The following ANK2 variants were observed in gnomAD, a reference collection of about 807,000 sequenced individuals.
The protein encoded by ANK2 is ankyrin 2, also known as ankyrin-2.
Under a neutral mutation model 360.5 loss-of-function variants are expected in ANK2, and 83 were observed. That is an observed-to-expected ratio of 0.23 (90% CI 0.19 to 0.28). ANK2 has a LOEUF of 0.28. ANK2 is among the 10% of genes least tolerant of loss of function. The pLI is 1.00. For synonymous variants in ANK2, 1,740 were observed against 1,759.5 expected (o/e 0.99, Z 0.28); for missense variants, 4,201 against 4,795.7 (o/e 0.88, Z 3.66).
At chr4:112,743,464 G>A in the ANK2 span, among the ~76,000 whole-genome samples, 1 of 150,836 alleles carries the variant, frequency 6.6e-6, no homozygotes, top group African/African-American at 2.4e-5. Flanking sequence ...TGGTGCAAAA[G>A]TAATCTCGGT....
the ANK2 span, among the ~76,000 whole-genome samples, chr4:112,772,691 T>A: frequency 1.3e-5 from 2 of 152,176 alleles, no homozygotes; most frequent in Non-Finnish European, 2.9e-5. Context: ...AAGTGTGTGT[T>A]CAAGAGGGGA....
At chr4:113,206,507 C>G (rs961942573) in intron 4 of ANK2, among the ~76,000 whole-genome samples, 2 of 151,828 alleles carry the variant, frequency 1.3e-5, no homozygotes, top group African/African-American at 4.8e-5. Flanking sequence ...GTATTACTAT[C>G]TGTAATACAA....
chr4:113,233,706 C>G (rs1391587422), intron 5 of ANK2, among the ~76,000 whole-genome samples: 4 of 152,000 alleles, frequency 2.6e-5, no homozygotes, highest in African/African-American at 9.7e-5. Flanking sequence ...AAGTTTCTGA[C>G]AGCTTATTCT....
intron 36 of ANK2, among the ~76,000 whole-genome samples, chr4:113,349,136 G>A (rs2095214672): frequency 6.6e-6 from 1 of 152,094 alleles, no homozygotes; most frequent in African/African-American, 2.4e-5. Flanking sequence ...TATTGATGAA[G>A]AAAGCAAGTC....
intron 1 of ANK2, chr4:112,826,248 T>A (rs889758238): frequency 2.5e-5 from 11 of 431,442 alleles, no homozygotes; most frequent in Non-Finnish European, 4.6e-5. Context: ...CTAAGGCCTA[T>A]CTCATAACCT....
At chr4:112,837,705 T>C (rs1045897604) in intron 1 of ANK2, among the ~76,000 whole-genome samples, 5 of 152,218 alleles carry the variant, frequency 3.3e-5, no homozygotes, top group Admixed American at 3.3e-4. Flanking sequence ...GGAGGTTATT[T>C]TGGAGCTTTA....
At chr4:113,196,260 G>T in intron 2 of ANK2, 108 bp from the exon 3 acceptor site, 2 of 798,986 alleles carry the variant, frequency 2.5e-6, no homozygotes, top group Non-Finnish European at 4.1e-6. Flanking sequence ...GGAAAAAAAA[G>T]AAGAGATCAG....
chr4:113,171,787 C>T lies in ANK2; in HGVS notation c.85-2629C>T, dbSNP rs188030076. 1.1e-4 allele frequency among the ~76,000 whole-genome samples: 16 copies of T among 152,222 alleles called. No homozygotes were observed. In the South Asian group the frequency reaches 2.1e-3, roughly 20 times the overall value. ...ATGAAAACTTTTTGTTACTCTATAA[C>T]GGCAAAAGCAATCCTCAATGTCATG... On this transcript the variant is annotated intron_variant, in intron 1 of 45. Coordinates refer to ENST00000357077, the MANE Select transcript of ANK2 (RefSeq NM_001148.6).
the ANK2 span, among the ~76,000 whole-genome samples, chr4:112,786,084 C>T: frequency 3.3e-5 from 5 of 152,090 alleles, no homozygotes; most frequent in African/African-American, 9.6e-5. Context: ...TCAAGTGATC[C>T]GGCCACCTCA....
At position 113,339,213 on chromosome 4, in the gene ANK2, C is replaced by T. The variant is rs2093964488; in HGVS notation, c.3797-13C>T. The T allele has an allele frequency of 2.5e-6, 4 of 1,602,070 alleles. No homozygotes were observed. In the African/African-American group the frequency reaches 5.4e-5, roughly 21 times the overall value. ...GTTTTGCCTGATTTTTTTCAACAAT[C>T]ATATTATTTCAGGTGGAACCACCCC... is the stretch of plus-strand genomic sequence containing the variant. On this transcript the variant is annotated splice_polypyrimidine_tract_variant and intron_variant, in intron 31 of 45. Coordinates refer to ENST00000357077, the MANE Select transcript of ANK2 (RefSeq NM_001148.6).
At chr4:112,853,101 G>T (rs1030469020) in intron 1 of ANK2, among the ~76,000 whole-genome samples, 1 of 151,572 alleles carries the variant, frequency 6.6e-6, no homozygotes, top group Non-Finnish European at 1.5e-5. Context: ...ACGAAGTCTC[G>T]CTCTCTCGCC....
chr4:112,971,769 C>G (rs1472024634), intron 2 of ANK2, among the ~76,000 whole-genome samples: 1 of 152,122 alleles, frequency 6.6e-6, no homozygotes, highest in East Asian at 1.9e-4. Flanking sequence ...ACGCCATGGT[C>G]CTCAAAAACA....
intron 2 of ANK2, among the ~76,000 whole-genome samples, chr4:112,963,359 C>A (rs573981540): frequency 6.6e-6 from 1 of 152,264 alleles, no homozygotes; most frequent in South Asian, 2.1e-4. Context: ...CTGTTTCATG[C>A]ATCTATTATT....
In ANK2 at chr4:113,367,866, A is replaced by C. The variant is rs773244128; in HGVS notation, c.11318+15A>C. On this transcript the variant is annotated intron_variant, in intron 42 of 45. Transcript: ENST00000357077. ...CAGGAATATTTGTGAGTTTCCAAAG[A>C]AAGCCTGTCAAATGTAATACCAAAG... 6.2e-7 allele frequency: 1 copy of C among 1,614,064 alleles called. No individual in the cohort carries two copies. The highest frequency in any genetic ancestry group is 1.3e-5 in the African/African-American group (1 of 75,060).
At chr4:113,056,693 G>T (rs2070092032) in intron 1 of ANK2, among the ~76,000 whole-genome samples, 1 of 152,098 alleles carries the variant, frequency 6.6e-6, no homozygotes, top group Non-Finnish European at 1.5e-5. Context: ...AAATAAATAT[G>T]ATAGAGTATT....
chr4:112,775,545 A>ACACACACACACACAC, the ANK2 span, among the ~76,000 whole-genome samples: 15 of 151,028 alleles, frequency 9.9e-5, no homozygotes, highest in Admixed American at 2.0e-4. Flanking sequence ...ACACACACAC[A>ACACACACACACACAC]AGAAAAAAAA....
At chr4:113,165,440 G>A (rs1379663985) in intron 1 of ANK2, among the ~76,000 whole-genome samples, 1 of 152,026 alleles carries the variant, frequency 6.6e-6, no homozygotes, top group Non-Finnish European at 1.5e-5. Flanking sequence ...CAAATTATCT[G>A]GAAACCATAA....
At chr4:113,336,423 A>G in intron 30 of ANK2, 154 bp from the exon 31 acceptor site, 1 of 763,460 alleles carries the variant, frequency 1.3e-6, no homozygotes. Flanking sequence ...TAGTAATAAT[A>G]CTGAACTTAT....
intron 1 of ANK2, among the ~76,000 whole-genome samples, chr4:113,093,813 C>A (rs2089746783): frequency 6.6e-6 from 1 of 152,116 alleles, no homozygotes; most frequent in African/African-American, 2.4e-5. Flanking sequence ...GTAACTTTAC[C>A]CTTGTTTTCT....
Sources: gnomAD v4.1 joint callset for allele counts (sites outside exome capture counted in the v4.1 genomes callset) on GRCh38, gnomAD v4.1.1 for gene constraint, MANE v1.5 for transcripts, NCBI Gene and HGNC (gene_info 2026-07-23, HGNC 2026-07-21) for gene names.